HEMK2: variants seen among roughly 807,000 people sequenced by gnomAD.
HEMK2 encodes HemK methyltransferase 2, ETF1 glutamine and histone H4 lysine.
At chr21:28,663,960 T>C in the HEMK2 span, among the ~76,000 whole-genome samples, 5 of 152,332 alleles carry the variant, frequency 3.3e-5, no homozygotes, top group East Asian at 1.9e-4. Context: ...CTAACACCGA[T>C]GTATATACAT....
At chr21:28,735,738 G>C in the HEMK2 span, among the ~76,000 whole-genome samples, 1 of 152,188 alleles carries the variant, frequency 6.6e-6, no homozygotes, top group Non-Finnish European at 1.5e-5. Flanking sequence ...GAACTCATGT[G>C]ATGAGGTCAG....
the HEMK2 span, among the ~76,000 whole-genome samples, chr21:28,675,509 G>C: frequency 6.6e-6 from 1 of 152,188 alleles, no homozygotes; most frequent in Non-Finnish European, 1.5e-5. Context: ...AACAAAAAGA[G>C]GGCAAGTTGA....
the HEMK2 span, among the ~76,000 whole-genome samples, chr21:28,721,937 C>T: frequency 9.9e-5 from 13 of 131,584 alleles, no homozygotes; most frequent in Non-Finnish European, 2.0e-4. Flanking sequence ...CACACACACA[C>T]ATACACCTAT....
chr21:28,749,725 G>A, the HEMK2 span, among the ~76,000 whole-genome samples: 1 of 152,202 alleles, frequency 6.6e-6, no homozygotes, highest in Non-Finnish European at 1.5e-5. Context: ...AGCAGGATGA[G>A]CACTGCAATT....
the HEMK2 span, among the ~76,000 whole-genome samples, chr21:28,627,353 C>T: frequency 1.3e-5 from 2 of 152,144 alleles, no homozygotes. Context: ...TTTTCTATCA[C>T]ATAAATTATG....
the HEMK2 span, among the ~76,000 whole-genome samples, chr21:28,763,408 A>T: frequency 3.3e-5 from 5 of 152,158 alleles, no homozygotes; most frequent in African/African-American, 9.6e-5. Context: ...CAAGAGGAGG[A>T]GGTCAGGCTC....
the HEMK2 span, among the ~76,000 whole-genome samples, chr21:28,816,513 T>C: frequency 2.6e-5 from 4 of 151,764 alleles, no homozygotes; most frequent in Non-Finnish European, 4.4e-5. Flanking sequence ...CTACAAAAAA[T>C]AAAAATGAAA....
the HEMK2 span, among the ~76,000 whole-genome samples, chr21:28,627,970 T>C: frequency 6.6e-6 from 1 of 152,034 alleles, no homozygotes; most frequent in Non-Finnish European, 1.5e-5. Context: ...GGGAAACCTC[T>C]AGAGGGTATT....
the HEMK2 span, among the ~76,000 whole-genome samples, chr21:28,787,038 G>C: frequency 1.3e-5 from 2 of 152,168 alleles, no homozygotes; most frequent in Admixed American, 1.3e-4. Flanking sequence ...GAACAGAAGA[G>C]AGAACCCAGA....
chr21:28,644,224 T>C, the HEMK2 span, among the ~76,000 whole-genome samples: 1 of 152,128 alleles, frequency 6.6e-6, no homozygotes, highest in East Asian at 1.9e-4. Flanking sequence ...CGTCACAAGG[T>C]GGCAGGAAGA....
At chr21:28,841,248 A>AATATATTATATAAT in the HEMK2 span, among the ~76,000 whole-genome samples, 4 of 4,156 alleles carry the variant, frequency 9.6e-4, no homozygotes, top group African/African-American at 9.2e-3. Flanking sequence ...TTATATATAT[A>AATATATTATATAAT]ATATATTATA....
chr21:28,654,318 A>C, the HEMK2 span, among the ~76,000 whole-genome samples: 6 of 152,180 alleles, frequency 3.9e-5, no homozygotes, highest in Non-Finnish European at 8.8e-5. Flanking sequence ...GTCTGCCTGC[A>C]CAGAGTCTAA....
chr21:28,711,747 G>T, the HEMK2 span, among the ~76,000 whole-genome samples: 1 of 152,122 alleles, frequency 6.6e-6, no homozygotes, highest in African/African-American at 2.4e-5. Flanking sequence ...GATTCATCTC[G>T]GCAGAAGTGT....
At chr21:28,597,723 T>G in the HEMK2 span, among the ~76,000 whole-genome samples, 14 of 152,282 alleles carry the variant, frequency 9.2e-5, no homozygotes, top group South Asian at 8.3e-4. Flanking sequence ...ATGAGAGACC[T>G]GATAAGGATT....
chr21:28,811,242 A>T, the HEMK2 span, among the ~76,000 whole-genome samples: 3 of 133,634 alleles, frequency 2.2e-5, no homozygotes, highest in African/African-American at 9.5e-5. Flanking sequence ...AGATAAACAG[A>T]GAAAGAGGAA....
At chr21:28,586,516 C>T in the HEMK2 span, among the ~76,000 whole-genome samples, 1 of 150,976 alleles carries the variant, frequency 6.6e-6, no homozygotes, top group Non-Finnish European at 1.5e-5. Flanking sequence ...AACAACGAAT[C>T]ACTGCAAATG....
chr21:28,791,988 GC>G, the HEMK2 span, among the ~76,000 whole-genome samples: 29 of 152,194 alleles, frequency 1.9e-4, 1 homozygote, highest in African/African-American at 6.7e-4. Flanking sequence ...GGCCAAGATG[GC>G]AACGAAAGTG....
At chr21:28,644,516 G>A in the HEMK2 span, among the ~76,000 whole-genome samples, 1 of 152,138 alleles carries the variant, frequency 6.6e-6, no homozygotes, top group African/African-American at 2.4e-5. Flanking sequence ...AATTAGTCTG[G>A]TAAACAATCA....
the HEMK2 span, among the ~76,000 whole-genome samples, chr21:28,852,266 G>A: frequency 6.6e-6 from 1 of 152,148 alleles, no homozygotes; most frequent in Non-Finnish European, 1.5e-5. Flanking sequence ...TATCAGTCAG[G>A]GAGCCAATGT....
Sources: allele counts gnomAD v4.1 joint callset (sites outside exome capture counted in the v4.1 genomes callset), GRCh38; gene constraint gnomAD v4.1.1; transcripts MANE v1.5; gene names NCBI Gene and HGNC (gene_info 2026-07-23, HGNC 2026-07-21).